SLC39A11: variants seen among roughly 807,000 people sequenced by gnomAD.
SLC39A11 encodes zinc transporter ZIP11.
Under a neutral mutation model 36.1 loss-of-function variants are expected in SLC39A11, and 33 were observed. The observed-to-expected ratio is 0.91, with a 90% CI of 0.69 to 1.22. The LOEUF is 1.22. Ranked by LOEUF, SLC39A11 falls within the 50% of genes most tolerant of loss-of-function variation. The probability of loss-of-function intolerance (pLI) is 0.00; values close to 1 mark genes in which losing one functional copy is unlikely to be tolerated. For missense variants in SLC39A11, 432 were observed against 430.3 expected (o/e 1.00, Z -0.03); for synonymous variants, 166 against 170.3 (o/e 0.97, Z 0.20).
rs562814190 is a variant in SLC39A11 at position 73,092,672 on chromosome 17, G to A, written c.-73C>T. 7.5e-4 allele frequency: 115 copies of A among 153,002 alleles called. No homozygotes were observed. Among genetic ancestry groups the A allele is most frequent in the South Asian group, 5.1e-3 (25 of 4,860 alleles). The allele number at this position is 153,002 out of a possible 1,614,324, so 9.5% of individuals were successfully genotyped here. On this transcript the variant is annotated 5_prime_UTR_variant, in exon 1 of 10. Coordinates refer to ENST00000255559, the MANE Select transcript of SLC39A11 (RefSeq NM_139177.4). ...AGCCCCCGCTGCCACTCTCTCGCCG[G>A]CTCCACTCCCGCAGTCACTTCCTGC...
intron 4 of SLC39A11, among the ~76,000 whole-genome samples, 186 bp downstream of exon 4, chr17:73,031,370 A>G (rs2058733736): frequency 6.6e-6 from 1 of 152,008 alleles, no homozygotes; most frequent in East Asian, 1.9e-4. Flanking sequence ...TAAGGGGGTA[A>G]TTACCAAGAC....
At chr17:73,012,003 G>A (rs539331355) in intron 4 of SLC39A11, among the ~76,000 whole-genome samples, 23 of 150,962 alleles carry the variant, frequency 1.5e-4, no homozygotes, top group African/African-American at 5.6e-4. Context: ...GGCCAGGTGC[G>A]GTGGTTCACT....
At chr17:73,009,059 A>AAAAG (rs2090355180) in intron 4 of SLC39A11, among the ~76,000 whole-genome samples, 1 of 15,938 alleles carries the variant, frequency 6.3e-5, no homozygotes, top group African/African-American at 1.9e-4. Context: ...GACCTGCCTC[A>AAAAG]AAAAAAAAAA....
chr17:72,947,950 G>A (rs1368278497), intron 4 of SLC39A11, 75 bp from the exon 5 acceptor site: 10 of 1,575,196 alleles, frequency 6.3e-6, no homozygotes, highest in African/African-American at 5.4e-5. Flanking sequence ...GCTCACGGGC[G>A]CCAAGGCAAC....
intron 7 of SLC39A11, among the ~76,000 whole-genome samples, chr17:72,728,842 C>T (rs1179827889): frequency 6.6e-6 from 1 of 152,158 alleles, no homozygotes; most frequent in Non-Finnish European, 1.5e-5. Context: ...ACGAGATTAA[C>T]CTACGTCTCC....
At position 72,849,810 on chromosome 17, in the gene SLC39A11, CAAAA is replaced by C. The variant is rs34998299; in HGVS notation, c.431-10_431-7del. ...CTCACCATTCTCACTCTTGTCTGAG[CAAAA>C]AAAAAAAAAAAGAGAGATGGGGAAA... On this transcript the variant is annotated splice_polypyrimidine_tract_variant and splice_region_variant and intron_variant, in intron 5 of 9. Transcript: ENST00000255559. 1.8e-3 allele frequency: 2,326 copies of C among 1,311,126 alleles called. No individual in the cohort carries two copies. The highest frequency in any genetic ancestry group is 8.3e-3 in the South Asian group (459 of 55,380). The allele number at this position is 1,311,126 out of a possible 1,614,324, so 81.2% of individuals were successfully genotyped here. A position where few individuals can be genotyped will look rare whatever the true frequency, so the allele number is the denominator to read the frequency against.
intron 4 of SLC39A11, among the ~76,000 whole-genome samples, chr17:72,949,190 C>T (rs922938804): frequency 2.0e-4 from 13 of 64,272 alleles, no homozygotes; most frequent in African/African-American, 5.4e-4. Context: ...GACAGAGTTT[C>T]ACTCTGTCAC....
At chr17:72,854,176 T>C (rs1020979347) in intron 5 of SLC39A11, among the ~76,000 whole-genome samples, 1 of 151,996 alleles carries the variant, frequency 6.6e-6, no homozygotes, top group African/African-American at 2.4e-5. Context: ...AATGAGTAAA[T>C]TGAAGAACAG....
chr17:73,045,260 G>A (rs990890874), intron 3 of SLC39A11, among the ~76,000 whole-genome samples: 1 of 151,806 alleles, frequency 6.6e-6, no homozygotes, highest in African/African-American at 2.4e-5. Flanking sequence ...GTGACTGTAG[G>A]TCCCCCAGGT....
intron 5 of SLC39A11, among the ~76,000 whole-genome samples, chr17:72,879,523 C>T (rs1294953271): frequency 2.0e-5 from 3 of 152,210 alleles, no homozygotes; most frequent in Non-Finnish European, 4.4e-5. Flanking sequence ...CTTTTTACTT[C>T]ATTATCATTT....
chr17:72,857,343 A>G (rs909836192), intron 5 of SLC39A11, among the ~76,000 whole-genome samples: 1 of 152,200 alleles, frequency 6.6e-6, no homozygotes, highest in African/African-American at 2.4e-5. Flanking sequence ...ATAGTATTCC[A>G]TGGTATATAT....
intron 5 of SLC39A11, among the ~76,000 whole-genome samples, chr17:72,933,664 C>G (rs982039071): frequency 6.6e-6 from 1 of 152,068 alleles, no homozygotes; most frequent in Non-Finnish European, 1.5e-5. Context: ...GGATTACAGG[C>G]GCGCACCACC....
chr17:72,920,441 C>T (rs9899923), intron 5 of SLC39A11, among the ~76,000 whole-genome samples: 88,149 of 150,946 alleles, frequency 0.58, 27,205 homozygotes, highest in East Asian at 0.79. Context: ...ACCTGCTGGG[C>T]CTTCCACCTG....
intron 4 of SLC39A11, among the ~76,000 whole-genome samples, chr17:73,012,571 G>T (rs11077655): frequency 6.0e-4 from 91 of 151,550 alleles, no homozygotes; most frequent in African/African-American, 2.2e-3. Flanking sequence ...GAATCAGGGG[G>T]TACGTGTGCG....
chr17:72,855,022 G>A (rs2079563744), intron 5 of SLC39A11, among the ~76,000 whole-genome samples: 1 of 152,226 alleles, frequency 6.6e-6, no homozygotes. Context: ...GTAAGCCCCT[G>A]CCCTTCAAGG....
intron 5 of SLC39A11, among the ~76,000 whole-genome samples, chr17:72,865,365 G>C (rs919749632): frequency 6.7e-6 from 1 of 149,388 alleles, no homozygotes; most frequent in African/African-American, 2.5e-5. Flanking sequence ...GAGACAAAAA[G>C]GATGCTCATA....
chr17:72,996,020 G>A (rs890496093), intron 4 of SLC39A11, among the ~76,000 whole-genome samples: 2 of 151,406 alleles, frequency 1.3e-5, no homozygotes, highest in Admixed American at 6.6e-5. Context: ...CTGCCTTCCC[G>A]CCTAGCCTAT....
chr17:72,877,277 T>G (rs2080952606), intron 5 of SLC39A11, among the ~76,000 whole-genome samples: 1 of 152,226 alleles, frequency 6.6e-6, no homozygotes. Flanking sequence ...GTCTTTCCAA[T>G]CTAACTGCCT....
At chr17:72,845,789 T>A (rs1384246447) in intron 6 of SLC39A11, among the ~76,000 whole-genome samples, 2 of 152,132 alleles carry the variant, frequency 1.3e-5, no homozygotes, top group African/African-American at 4.8e-5. Flanking sequence ...AACCTCTCCA[T>A]CCAGTCAAGC....
Sources: allele counts gnomAD v4.1 joint callset (sites outside exome capture counted in the v4.1 genomes callset), GRCh38; gene constraint gnomAD v4.1.1; transcripts MANE v1.5; gene names NCBI Gene and HGNC (gene_info 2026-07-23, HGNC 2026-07-21).